AGBL4: variants seen among roughly 807,000 people sequenced by gnomAD.
AGBL4 encodes the protein cytosolic carboxypeptidase 6.
AGBL4 carries 58 observed loss-of-function variants against 66.4 expected under a neutral mutation model. That is an observed-to-expected ratio of 0.87 (90% confidence interval 0.71 to 1.09). AGBL4 has a LOEUF of 1.09. Ranked by LOEUF, AGBL4 falls within the 50% of genes least tolerant of loss-of-function variation. The pLI is 0.00. For synonymous variants in AGBL4, 234 were observed against 222.9 expected, an observed-to-expected ratio of 1.05 and a Z score of -0.44; for missense variants, 579 against 631.0, an observed-to-expected ratio of 0.92 and a Z score of 0.88.
chr1:49,521,880 A>T (rs2148801031), intron 3 of AGBL4, among the ~76,000 whole-genome samples: 1 of 149,918 alleles, frequency 6.7e-6, no homozygotes, highest in East Asian at 1.9e-4. Context: ...CAACCCATAG[A>T]ATGAGAACAA....
At chr1:49,479,067 A>T (rs1490671642) in intron 3 of AGBL4, among the ~76,000 whole-genome samples, 2 of 152,158 alleles carry the variant, frequency 1.3e-5, no homozygotes, top group African/African-American at 4.8e-5. Flanking sequence ...GCAAGAAAAA[A>T]GGAAAAAAGA....
chr1:49,533,477 C>T (rs1343353803), intron 3 of AGBL4, among the ~76,000 whole-genome samples: 1 of 152,100 alleles, frequency 6.6e-6, no homozygotes, highest in East Asian at 1.9e-4. Flanking sequence ...TTTCCTTTCT[C>T]AGAAGCCCAG....
intron 3 of AGBL4, among the ~76,000 whole-genome samples, chr1:49,640,699 A>G (rs1645763993): frequency 6.6e-6 from 1 of 152,196 alleles, no homozygotes; most frequent in South Asian, 2.1e-4. Flanking sequence ...GGAGATCTCC[A>G]TAGAAGGCCT....
intron 1 of AGBL4, chr1:50,017,386 A>T (rs1662066699): frequency 6.6e-6 from 1 of 152,166 alleles, no homozygotes; most frequent in South Asian, 2.1e-4. Context: ...TATATTTCAA[A>T]TTTTCCCATC....
At chr1:49,833,967 C>T (rs1194790351) in intron 2 of AGBL4, among the ~76,000 whole-genome samples, 1 of 151,936 alleles carries the variant, frequency 6.6e-6, no homozygotes, top group Non-Finnish European at 1.5e-5. Flanking sequence ...CCTCTTTGTG[C>T]CTCTGGATTC....
At chr1:49,742,396 A>T (rs1484524510) in intron 2 of AGBL4, among the ~76,000 whole-genome samples, 3 of 152,212 alleles carry the variant, frequency 2.0e-5, no homozygotes, top group Admixed American at 6.5e-5. Flanking sequence ...TCAACGAAAT[A>T]AAAGAGAATA....
intron 4 of AGBL4, among the ~76,000 whole-genome samples, chr1:49,118,215 T>C (rs752520748): frequency 2.6e-5 from 4 of 152,178 alleles, no homozygotes; most frequent in Non-Finnish European, 4.4e-5. Flanking sequence ...TATTTCTCTC[T>C]CTTGCCTGAT....
At chr1:49,740,321 A>G (rs1650328039) in intron 2 of AGBL4, among the ~76,000 whole-genome samples, 1 of 152,218 alleles carries the variant, frequency 6.6e-6, no homozygotes, top group Non-Finnish European at 1.5e-5. Flanking sequence ...ACATAATGGA[A>G]AAGGGAACAA....
At chr1:48,825,188 G>A (rs932998350) in intron 6 of AGBL4, among the ~76,000 whole-genome samples, 3 of 152,054 alleles carry the variant, frequency 2.0e-5, no homozygotes, top group Non-Finnish European at 4.4e-5. Flanking sequence ...AATTCTCTTC[G>A]CTTCCTATTT....
At chr1:49,479,154 G>A (rs1380251811) in intron 3 of AGBL4, among the ~76,000 whole-genome samples, 2 of 151,866 alleles carry the variant, frequency 1.3e-5, no homozygotes, top group South Asian at 2.1e-4. Flanking sequence ...CACTAGAACC[G>A]ACAAATTAAG....
At chr1:48,965,620 C>T (rs1284633237) in intron 5 of AGBL4, among the ~76,000 whole-genome samples, 1 of 152,150 alleles carries the variant, frequency 6.6e-6, no homozygotes, top group Non-Finnish European at 1.5e-5. Context: ...AGGTGCCACA[C>T]AGTTCCTGAC....
chr1:48,669,962 G>A (rs1336721874), intron 6 of AGBL4, among the ~76,000 whole-genome samples: 3 of 152,136 alleles, frequency 2.0e-5, no homozygotes, highest in Non-Finnish European at 4.4e-5. Flanking sequence ...TCATATCTAA[G>A]TAGTAGACTC....
At chr1:49,200,014 G>A (rs1183508574) in intron 4 of AGBL4, among the ~76,000 whole-genome samples, 1 of 152,118 alleles carries the variant, frequency 6.6e-6, no homozygotes, top group African/African-American at 2.4e-5. Context: ...CGCTAAAAAA[G>A]CAGCCTCCTT....
intron 4 of AGBL4, among the ~76,000 whole-genome samples, chr1:49,092,782 T>A (rs1645025060): frequency 6.6e-6 from 1 of 152,028 alleles, no homozygotes; most frequent in African/African-American, 2.4e-5. Context: ...ACAGAGAAAA[T>A]TTTCAAATAT....
chr1:49,712,998 T>C (rs1647791538), intron 2 of AGBL4, among the ~76,000 whole-genome samples: 1 of 152,078 alleles, frequency 6.6e-6, no homozygotes, highest in Non-Finnish European at 1.5e-5. Context: ...AGAAGTAATA[T>C]ATAGTTGCCT....
At chr1:49,286,722 G>C (rs374133093) in intron 3 of AGBL4, among the ~76,000 whole-genome samples, 1,580 of 151,652 alleles carry the variant, frequency 0.01, 31 homozygotes, top group African/African-American at 0.033. Context: ...AGGATACAAA[G>C]AAATGGAAGA....
chr1:48,776,009 C>A (rs1414842497), intron 6 of AGBL4, among the ~76,000 whole-genome samples: 2 of 152,190 alleles, frequency 1.3e-5, no homozygotes, highest in African/African-American at 4.8e-5. Flanking sequence ...TGGTGTGGAG[C>A]CCAGTGCACT....
At chr1:48,940,265 C>A (rs57762388) in intron 5 of AGBL4, among the ~76,000 whole-genome samples, 6,111 of 152,182 alleles carry the variant, frequency 0.04, 384 homozygotes, top group African/African-American at 0.14. Flanking sequence ...GTAATCCCAG[C>A]TACTCAGGAG....
intron 3 of AGBL4, among the ~76,000 whole-genome samples, chr1:49,613,599 G>C (rs1174198278): frequency 6.6e-6 from 1 of 152,130 alleles, no homozygotes; most frequent in Non-Finnish European, 1.5e-5. Context: ...TGCATGTGCA[G>C]GGGATCTAGG....
Sources: allele counts gnomAD v4.1 joint callset (sites outside exome capture counted in the v4.1 genomes callset), GRCh38; gene constraint gnomAD v4.1.1; transcripts MANE v1.5; gene names NCBI Gene and HGNC (gene_info 2026-07-23, HGNC 2026-07-21).